PLCB4: variants seen among roughly 807,000 people sequenced by gnomAD.
PLCB4 encodes 1-phosphatidylinositol 4,5-bisphosphate phosphodiesterase beta-4.
A neutral mutation model predicts 178.8 loss-of-function variants in PLCB4; 77 were observed. That is an observed-to-expected ratio of 0.43 (90% CI 0.36 to 0.52). The LOEUF is 0.52. Among genes scored for constraint, PLCB4 ranks in the 20% least tolerant of loss-of-function variants. The probability of loss-of-function intolerance (pLI) is 0.00; values close to 1 mark genes in which losing one functional copy is unlikely to be tolerated. For missense variants in PLCB4, 1,024 were observed against 1,453.4 expected, an observed-to-expected ratio of 0.70 and a Z score of 4.80; for synonymous variants, 496 against 490.8, an observed-to-expected ratio of 1.01 and a Z score of -0.14.
At chr20:9,243,265 A>G (rs2094086738) in intron 3 of PLCB4, among the ~76,000 whole-genome samples, 1 of 152,222 alleles carries the variant, frequency 6.6e-6, no homozygotes. Flanking sequence ...GAACCCAGAG[A>G]GTACAGCACT....
At chr20:9,282,759 A>G (rs1044313348) in intron 3 of PLCB4, among the ~76,000 whole-genome samples, 1 of 151,970 alleles carries the variant, frequency 6.6e-6, no homozygotes, top group South Asian at 2.1e-4. Flanking sequence ...TTTTCTGGCC[A>G]TGGCTGGCTT....
At chr20:9,157,701 C>G (rs1478693693) in intron 2 of PLCB4, among the ~76,000 whole-genome samples, 1 of 152,130 alleles carries the variant, frequency 6.6e-6, no homozygotes, top group Non-Finnish European at 1.5e-5. Context: ...TGTTGTAATT[C>G]ACAGACCAAA....
chr20:9,477,903 T>G (rs1188581441), intron 39 of PLCB4, among the ~76,000 whole-genome samples: 2 of 152,112 alleles, frequency 1.3e-5, no homozygotes, highest in African/African-American at 4.8e-5. Flanking sequence ...GACCTTCCAT[T>G]TAGTTGGAAT....
chr20:9,224,692 T>C (rs1301738041), intron 3 of PLCB4, among the ~76,000 whole-genome samples: 1 of 152,200 alleles, frequency 6.6e-6, no homozygotes, highest in Non-Finnish European at 1.5e-5. Flanking sequence ...AGGTTGATTC[T>C]CCTTTGCTCT....
intron 3 of PLCB4, among the ~76,000 whole-genome samples, chr20:9,275,600 C>T (rs551903340): frequency 1.3e-5 from 2 of 152,160 alleles, no homozygotes; most frequent in South Asian, 2.1e-4. Context: ...ACATGTCATT[C>T]CTGCCTCTAG....
At chr20:9,336,269 C>G (rs2032446661) in intron 4 of PLCB4, among the ~76,000 whole-genome samples, 1 of 152,246 alleles carries the variant, frequency 6.6e-6, no homozygotes, top group Middle Eastern at 3.4e-3. Flanking sequence ...CCCAAATGCC[C>G]TTTTTCTTTC....
chr20:9,390,169 C>G (rs2038024527), intron 16 of PLCB4, among the ~76,000 whole-genome samples: 1 of 152,184 alleles, frequency 6.6e-6, no homozygotes, highest in Non-Finnish European at 1.5e-5. Context: ...CTTGTCCCCC[C>G]AAACCAAATC....
At chr20:9,082,238 T>G (rs1423510382) in intron 1 of PLCB4, among the ~76,000 whole-genome samples, 2 of 152,238 alleles carry the variant, frequency 1.3e-5, no homozygotes, top group Non-Finnish European at 2.9e-5. Flanking sequence ...TTGTAGCATT[T>G]TCTTTTCAAA....
At chr20:9,359,855 G>A (rs903617606) in intron 7 of PLCB4, among the ~76,000 whole-genome samples, 4 of 152,146 alleles carry the variant, frequency 2.6e-5, no homozygotes, top group African/African-American at 9.7e-5. Context: ...CACGCCTGGC[G>A]TAACTTTCCA....
rs557306942 is a variant in PLCB4 at position 9,353,143 on chromosome 20, T to G, written c.370-9753T>G. 3.4e-4 allele frequency among the ~76,000 whole-genome samples: 52 copies of G among 152,348 alleles called. 1 individual carries two copies. The South Asian group carries it at 9.7e-3, about 29-fold the overall frequency. On this transcript the variant is annotated intron_variant, in intron 7 of 39. Transcript: ENST00000378473. ...TTTTTAATTTTTGTGGGGGCAAAAG[T>G]CCTGTTGCTTTTTAGCCACCAGTTT...
At chr20:9,390,774 G>T (rs1028565024) in intron 17 of PLCB4, among the ~76,000 whole-genome samples, 159 bp downstream of exon 17, 2 of 152,156 alleles carry the variant, frequency 1.3e-5, no homozygotes, top group Non-Finnish European at 2.9e-5. Flanking sequence ...GGGATGTAAA[G>T]AGACACAAAA....
At chr20:9,382,119 C>T (rs12626144) in intron 13 of PLCB4, among the ~76,000 whole-genome samples, 7,092 of 152,168 alleles carry the variant, frequency 0.047, 410 homozygotes, top group East Asian at 0.24. Context: ...AAAATAGTAC[C>T]GTTATTTACC....
intron 28 of PLCB4, among the ~76,000 whole-genome samples, chr20:9,431,083 A>G (rs2041362126): frequency 6.6e-6 from 1 of 152,206 alleles, no homozygotes; most frequent in Non-Finnish European, 1.5e-5. Flanking sequence ...TATGGAGGCT[A>G]GAAGCCTGAG....
At chr20:9,113,895 A>G (rs2091682016) in intron 2 of PLCB4, among the ~76,000 whole-genome samples, 1 of 152,136 alleles carries the variant, frequency 6.6e-6, no homozygotes, top group African/African-American at 2.4e-5. Flanking sequence ...TGCCTAATCA[A>G]GCTCACAATG....
intron 3 of PLCB4, among the ~76,000 whole-genome samples, chr20:9,246,413 A>G (rs192935567): frequency 6.6e-6 from 1 of 152,340 alleles, no homozygotes; most frequent in East Asian, 1.9e-4. Flanking sequence ...GCAGATGTAC[A>G]AACCCAGCTA....
chr20:9,216,646 C>T lies in PLCB4; in HGVS notation c.-78-744C>T, dbSNP rs151165869. 1.4e-4 allele frequency among the ~76,000 whole-genome samples: 21 copies of T among 145,284 alleles called. No individual in the cohort carries two copies. The East Asian group carries it at 2.5e-3, about 17-fold the overall frequency. On this transcript the variant is annotated intron_variant, in intron 2 of 39. Transcript: ENST00000378473. ...TCCTGAGTAGCTAGGATTACAGGCA[C>T]GCACCACCACACTTGGCTAATTTTT...
At chr20:9,071,487 TGATC>T (rs1450206430) in intron 1 of PLCB4, among the ~76,000 whole-genome samples, 2 of 152,182 alleles carry the variant, frequency 1.3e-5, no homozygotes, top group African/African-American at 4.8e-5. Context: ...GTTTTCCTTG[TGATC>T]ACATTAGCAT....
At chr20:9,156,450 C>A (rs1344707392) in intron 2 of PLCB4, among the ~76,000 whole-genome samples, 1 of 152,066 alleles carries the variant, frequency 6.6e-6, no homozygotes, top group East Asian at 1.9e-4. Flanking sequence ...GTTGCACAGA[C>A]CTGAGGTTTG....
chr20:9,316,892 T>G (rs1476014635), intron 4 of PLCB4, among the ~76,000 whole-genome samples: 1 of 152,170 alleles, frequency 6.6e-6, no homozygotes. Context: ...TCTCTCATGC[T>G]CCCAAAGCTC....
Sources: gnomAD v4.1 joint callset for allele counts (sites outside exome capture counted in the v4.1 genomes callset) on GRCh38, gnomAD v4.1.1 for gene constraint, MANE v1.5 for transcripts, NCBI Gene and HGNC (gene_info 2026-07-23, HGNC 2026-07-21) for gene names.